Variants in OSBP observed in about 807,000 individuals in gnomAD.
OSBP encodes oxysterol-binding protein 1.
OSBP carries 32 observed loss-of-function variants against 96.6 expected under a neutral mutation model. The ratio of observed to expected loss-of-function variants is 0.33; its 90% CI spans 0.25 to 0.45. The LOEUF (loss-of-function observed/expected upper bound fraction) is 0.45. Among genes scored for constraint, OSBP ranks in the 20% least tolerant of loss-of-function variants. The pLI, the probability that OSBP is intolerant of heterozygous loss-of-function variation, is 1.00. For synonymous variants in OSBP, 369 were observed against 389.6 expected, an observed-to-expected ratio of 0.95 and a Z score of 0.62; for missense variants, 653 against 1,029.7, an observed-to-expected ratio of 0.63 and a Z score of 5.01.
In OSBP at chr11:59,601,321, T is replaced by A; in HGVS notation, c.1086A>T (p.Ala362=). Residue 362 remains alanine, a synonymous_variant, in exon 5 of 14, where the codon GCA becomes GCT. Transcript: ENST00000263847. ...TTTCAGGCATGGTGATGATCTCAGG[T>A]GCATCAAAAAATTCATTCTCATCAT... ...DEDDENEFFD[A]PEIITMPENL... 2 of 1,613,192 alleles carry A rather than the reference T, an allele frequency of 1.2e-6. No individual in the cohort carries two copies. Among genetic ancestry groups the A allele is most frequent in the South Asian group, 1.1e-5 (1 of 91,068 alleles).
At chr11:59,605,564 T>G (rs1024308139) in intron 3 of OSBP, among the ~76,000 whole-genome samples, 1 of 152,048 alleles carries the variant, frequency 6.6e-6, no homozygotes, top group Admixed American at 6.6e-5. Flanking sequence ...TTATTTCTTT[T>G]AGTAGAGATG....
chr11:59,576,564 T>C lies in OSBP; in HGVS notation c.*13A>G, dbSNP rs1590665193. On this transcript the variant is annotated 3_prime_UTR_variant, in exon 14 of 14. Transcript: ENST00000263847. ...TTCTCCATTATATGCTCCTCTTTTT[T>C]GTTACTGCCGTTTCAGAAAATGTCC... is the stretch of plus-strand genomic sequence containing the variant. The C allele has an allele frequency of 6.2e-7, 1 of 1,611,052 alleles. No homozygotes were observed. Among genetic ancestry groups the C allele is most frequent in the South Asian group, 1.1e-5 (1 of 90,494 alleles).
intron 7 of OSBP, 143 bp from the exon 8 acceptor site, chr11:59,594,398 A>G (rs1860622744): frequency 7.1e-6 from 5 of 709,192 alleles, no homozygotes; most frequent in Non-Finnish European, 1.2e-5. Flanking sequence ...CCCGCAAACA[A>G]CCCATTCTCC....
At position 59,581,520 on chromosome 11, in the gene OSBP, G is replaced by C. The variant is rs776084128; in HGVS notation, c.1713C>G (p.His571Gln). 5 of 1,612,494 alleles carry C rather than the reference G, an allele frequency of 3.1e-6. No homozygotes were observed. The highest frequency in any genetic ancestry group is 4.2e-6 in the Non-Finnish European group (5 of 1,178,678). The change falls in exon 10 of 14, where the codon CAC (histidine) becomes CAG (glutamine). Residue 571 changes from histidine to glutamine, a missense_variant. Physicochemically the swap from His to Gln is conservative, Grantham distance 24 (BLOSUM62 0). Coordinates refer to ENST00000263847, the MANE Select transcript of OSBP (RefSeq NM_002556.3). ...TIHCIFHATG[H>Q]HYTWKKVTTT... is the part of the protein sequence containing the mutation. The stretch of plus-strand genomic sequence containing the variant: ...TGGTAACTTTCTTCCAAGTGTAGTG[G>C]TGCCCAGTTGCATGGAAAATACAAT...
chr11:59,613,796 A>G (rs1326479610), intron 1 of OSBP, among the ~76,000 whole-genome samples: 2 of 152,228 alleles, frequency 1.3e-5, no homozygotes, highest in Non-Finnish European at 2.9e-5. Flanking sequence ...AGGATGAGCT[A>G]TCTAAGGCAT....
chr11:59,600,438 T>A, intron 7 of OSBP, 58 bp downstream of exon 7: 1 of 1,591,638 alleles, frequency 6.3e-7, no homozygotes, highest in Non-Finnish European at 8.6e-7. Context: ...ATCAGCACTC[T>A]TCCCACTGAG....
intron 9 of OSBP, among the ~76,000 whole-genome samples, chr11:59,587,297 T>A (rs1860511514): frequency 6.6e-6 from 1 of 152,070 alleles, no homozygotes; most frequent in East Asian, 1.9e-4. Flanking sequence ...GGTCAGGAGT[T>A]CAAGACCAGC....
At chr11:59,595,248 T>C (rs1006313364) in intron 7 of OSBP, 1 of 152,568 alleles carries the variant, frequency 6.6e-6, no homozygotes, top group African/African-American at 2.4e-5. Flanking sequence ...TCCATAAAGC[T>C]TATTTAATTA....
chr11:59,582,553 G>A (rs1186358202), intron 9 of OSBP, among the ~76,000 whole-genome samples: 4 of 152,114 alleles, frequency 2.6e-5, no homozygotes, highest in African/African-American at 7.2e-5. Flanking sequence ...ATAATAAAAC[G>A]GTAATGATAA....
chr11:59,578,191 G>A lies in OSBP; in HGVS notation c.2018C>T (p.Ala673Val), dbSNP rs1321039265. 6.2e-7 allele frequency: 1 copy of A among 1,614,076 alleles called. No individual in the cohort carries two copies. The highest frequency in any genetic ancestry group is 8.5e-7 in the Non-Finnish European group (1 of 1,180,050). Residue 673 changes from alanine (A) to valine (V), a missense_variant, in exon 12 of 14, where the codon GCA becomes GTA. By Grantham distance (64) the Ala-to-Val change is moderately conservative. Transcript: ENST00000263847. ...CCACAGCATGACCCTGCTTTCCTCT[G>A]CTTCATGGCCTCTCTGTCGAGCATC... Reference protein sequence around the residue: ...GGDARQRGHEAEESRVMLWKR... With the variant: ...GGDARQRGHEVEESRVMLWKR...
At chr11:59,607,364 A>C (rs1348139491) in intron 3 of OSBP, among the ~76,000 whole-genome samples, 1 of 152,216 alleles carries the variant, frequency 6.6e-6, no homozygotes, top group African/African-American at 2.4e-5. Context: ...ATCTTCCTGC[A>C]GTCCCTAAGT....
At position 59,615,424 on chromosome 11, in the gene OSBP, C is replaced by T. The variant is rs200837578; in HGVS notation, c.241G>A (p.Gly81Ser). 1,038 of 1,508,484 alleles carry T rather than the reference C, an allele frequency of 6.9e-4. 2 individuals carry two copies. The highest frequency in any genetic ancestry group is 8.7e-4 in the Non-Finnish European group (978 of 1,123,142). 93.4% of individuals were successfully genotyped at this position (1,508,484 alleles called of 1,614,324 possible). The change falls in exon 1 of 14, where the codon GGC becomes AGC. Residue 81 changes from glycine to serine, a missense_variant. Gly to Ser is a moderately conservative substitution (Grantham distance 56). Around this residue, in one of 6 missense-constraint regions of OSBP, gnomAD observed 151 missense variants for 146.1 expected, o/e 1.03. Transcript: ENST00000263847. The stretch of plus-strand genomic sequence containing the variant: ...GAGCCCGAACCCCCAGCGCCCGAGC[C>T]GCCCGAGCCCCCAGTCGGCGGCGCA... ...APAPPTGGSG[G>S]SGAGGSGSAR...
chr11:59,601,592 C>A, intron 4 of OSBP, 48 bp downstream of exon 4: 3 of 1,563,758 alleles, frequency 1.9e-6, no homozygotes, highest in Non-Finnish European at 2.6e-6. Context: ...CTGCAGAAAA[C>A]CATCTGGCTC....
intron 3 of OSBP, among the ~76,000 whole-genome samples, chr11:59,603,384 A>G (rs2134671584): frequency 6.6e-6 from 1 of 152,304 alleles, no homozygotes; most frequent in Admixed American, 6.5e-5. Context: ...CATGGTTTCA[A>G]CCACTGCCTA....
chr11:59,596,251 C>T (rs1414819842), intron 7 of OSBP, among the ~76,000 whole-genome samples: 1 of 152,078 alleles, frequency 6.6e-6, no homozygotes, highest in Non-Finnish European at 1.5e-5. Flanking sequence ...AAAGAGGGCA[C>T]TTATTAACTA....
Position 59,581,431 on chromosome 11 carries a change from C to G in OSBP, c.1782+20G>C. ...AGTATTCTTTTAAACTTCACACACACTTTGGGTACCTTTCCTCACCTGATC... is the reference window on the plus strand; with the variant it reads ...AGTATTCTTTTAAACTTCACACACAGTTTGGGTACCTTTCCTCACCTGATC... On this transcript the variant is annotated intron_variant, in intron 10 of 13. Coordinates refer to ENST00000263847, the MANE Select transcript of OSBP (RefSeq NM_002556.3). The G allele has an allele frequency of 7.1e-7, 1 of 1,411,112 alleles. No homozygotes were observed. The highest frequency in any genetic ancestry group is 1.0e-6 in the Non-Finnish European group (1 of 999,168). The allele number at this position is 1,411,112 out of a possible 1,614,324, so 87.4% of individuals were successfully genotyped here.
intron 7 of OSBP, among the ~76,000 whole-genome samples, chr11:59,600,095 G>C (rs980446203): frequency 2.6e-5 from 4 of 152,146 alleles, no homozygotes; most frequent in Non-Finnish European, 2.9e-5. Context: ...TTGCTTCTGT[G>C]TTCCCTAAGC....
chr11:59,594,463 C>T (rs1361871059), intron 7 of OSBP, among the ~76,000 whole-genome samples: 1 of 152,186 alleles, frequency 6.6e-6, no homozygotes, highest in Non-Finnish European at 1.5e-5. Flanking sequence ...ATTTCACTAA[C>T]TGTAAGCTCT....
intron 9 of OSBP, among the ~76,000 whole-genome samples, chr11:59,585,249 G>A (rs537415511): frequency 1.2e-4 from 18 of 151,774 alleles, no homozygotes; most frequent in Middle Eastern, 3.4e-3. Flanking sequence ...CTGCCCAGCC[G>A]CCCATCGTCT....
Sources: allele counts gnomAD v4.1 joint callset (sites outside exome capture counted in the v4.1 genomes callset), GRCh38; gene constraint gnomAD v4.1.1; regional missense constraint gnomAD v4.1.1; transcripts MANE v1.5; gene names NCBI Gene and HGNC (gene_info 2026-07-23, HGNC 2026-07-21).